The following DPF3 variants were observed in gnomAD, a reference collection of about 807,000 sequenced individuals.
The protein encoded by DPF3 is zinc finger protein DPF3.
A neutral mutation model predicts 56.8 loss-of-function variants in DPF3; 18 were observed. The ratio of observed to expected loss-of-function variants is 0.32; its 90% confidence interval spans 0.22 to 0.47. The LOEUF is 0.47. DPF3 is among the 20% of genes least tolerant of loss of function. DPF3 has a pLI of 1.00. For missense variants in DPF3, 403 were observed against 488.8 expected (o/e 0.82, Z 1.65); for synonymous variants, 188 against 180.2 (o/e 1.04, Z -0.35).
At chr14:72,643,316 C>A (rs1261268923) in intron 8 of DPF3, among the ~76,000 whole-genome samples, 1 of 152,206 alleles carries the variant, frequency 6.6e-6, no homozygotes, top group Non-Finnish European at 1.5e-5. Flanking sequence ...TAAGGGTGAA[C>A]TAGCTGTCCC....
chr14:72,849,831 G>T (rs9671327), intron 1 of DPF3, among the ~76,000 whole-genome samples: 42,943 of 152,024 alleles, frequency 0.28, 6,262 homozygotes, highest in African/African-American at 0.32. Flanking sequence ...AGTTAGCTAG[G>T]TTTAGGCTGG....
At chr14:72,854,630 G>A (rs1322831906) in intron 1 of DPF3, among the ~76,000 whole-genome samples, 2 of 152,164 alleles carry the variant, frequency 1.3e-5, no homozygotes, top group Non-Finnish European at 2.9e-5. Context: ...CATGAATATA[G>A]CTATAGTTGT....
chr14:72,880,569 T>C (rs1886287674), intron 1 of DPF3, among the ~76,000 whole-genome samples: 1 of 152,198 alleles, frequency 6.6e-6, no homozygotes, highest in Admixed American at 6.5e-5. Flanking sequence ...TTGTTTTTTG[T>C]TTTTTCAGAC....
intron 5 of DPF3, among the ~76,000 whole-genome samples, chr14:72,721,942 T>C (rs1289969218): frequency 6.6e-6 from 1 of 151,832 alleles, no homozygotes; most frequent in Non-Finnish European, 1.5e-5. Flanking sequence ...AAAATGTGTG[T>C]GGTGGGGTGC....
At chr14:72,707,095 C>T (rs1023529442) in intron 6 of DPF3, among the ~76,000 whole-genome samples, 6 of 151,812 alleles carry the variant, frequency 4.0e-5, no homozygotes, top group African/African-American at 1.2e-4. Context: ...TTTGTTCTTG[C>T]GATAGTTTAC....
chr14:72,684,196 A>T (rs748320285), intron 7 of DPF3, among the ~76,000 whole-genome samples: 7 of 151,956 alleles, frequency 4.6e-5, no homozygotes, highest in Non-Finnish European at 5.9e-5. Context: ...ATAGGCATGC[A>T]CCACCACACC....
intron 1 of DPF3, among the ~76,000 whole-genome samples, chr14:72,807,035 C>T (rs985008477): frequency 2.0e-5 from 3 of 152,198 alleles, no homozygotes; most frequent in Admixed American, 2.0e-4. Flanking sequence ...GAGAGGGCTG[C>T]CCTACCCCGC....
At chr14:72,829,769 A>T (rs1883974561) in intron 1 of DPF3, among the ~76,000 whole-genome samples, 1 of 151,208 alleles carries the variant, frequency 6.6e-6, no homozygotes, top group Admixed American at 6.6e-5. Context: ...TTTGAGACAG[A>T]GTCTCGCTCT....
intron 8 of DPF3, chr14:72,670,300 C>G: frequency 2.0e-6 from 2 of 985,976 alleles, no homozygotes; most frequent in Non-Finnish European, 2.4e-6. Context: ...ATTTGGAAGT[C>G]GTTCTTTGCC....
intron 8 of DPF3, among the ~76,000 whole-genome samples, chr14:72,638,550 A>G (rs1017305996): frequency 2.6e-5 from 4 of 152,224 alleles, no homozygotes; most frequent in Non-Finnish European, 5.9e-5. Flanking sequence ...GTGATTGGTC[A>G]ACACTTGATT....
At chr14:72,849,158 C>T (rs1884872777) in intron 1 of DPF3, among the ~76,000 whole-genome samples, 1 of 152,220 alleles carries the variant, frequency 6.6e-6, no homozygotes. Flanking sequence ...TGCCACTCTG[C>T]TTCTCTTCCT....
chr14:72,677,958 T>C (rs1306023322), intron 7 of DPF3, among the ~76,000 whole-genome samples: 1 of 137,856 alleles, frequency 7.3e-6, no homozygotes, highest in Non-Finnish European at 1.5e-5. Context: ...TCAGCTTCCC[T>C]TTTGTTCAAC....
At chr14:72,859,480 C>CG (rs1452703381) in intron 1 of DPF3, among the ~76,000 whole-genome samples, 4 of 100,412 alleles carry the variant, frequency 4.0e-5, no homozygotes, top group Non-Finnish European at 8.3e-5. Context: ...CCCCCCCCCC[C>CG]CCCACACCAT....
At chr14:72,805,485 C>A (rs1229545190) in intron 1 of DPF3, among the ~76,000 whole-genome samples, 2 of 149,978 alleles carry the variant, frequency 1.3e-5, no homozygotes, top group Non-Finnish European at 3.0e-5. Flanking sequence ...AAAAAAAAAA[C>A]TGCATGGAAG....
chr14:72,869,909 G>A (rs1885830334), intron 1 of DPF3, among the ~76,000 whole-genome samples: 1 of 152,088 alleles, frequency 6.6e-6, no homozygotes, highest in Non-Finnish European at 1.5e-5. Flanking sequence ...GGGGGGTAGG[G>A]TGAGCAGGAA....
intron 2 of DPF3, among the ~76,000 whole-genome samples, chr14:72,765,176 G>A (rs1891222846): frequency 6.6e-6 from 1 of 152,222 alleles, no homozygotes; most frequent in Non-Finnish European, 1.5e-5. Flanking sequence ...CTAGGGGAAT[G>A]CAAGTTGAAA....
At chr14:72,884,862 C>T (rs931530957) in intron 1 of DPF3, among the ~76,000 whole-genome samples, 39 of 144,418 alleles carry the variant, frequency 2.7e-4, no homozygotes, top group African/African-American at 8.4e-4. Flanking sequence ...TTTGGGAGGC[C>T]GAGGCGGGCG....
intron 7 of DPF3, among the ~76,000 whole-genome samples, chr14:72,689,170 C>T (rs1887564830): frequency 2.0e-5 from 3 of 152,068 alleles, no homozygotes; most frequent in African/African-American, 4.8e-5. Flanking sequence ...GCACCAGGCG[C>T]GGGATGAGCC....
chr14:72,807,595 T>G (rs575661243), intron 1 of DPF3, among the ~76,000 whole-genome samples: 1 of 152,160 alleles, frequency 6.6e-6, no homozygotes, highest in Non-Finnish European at 1.5e-5. Flanking sequence ...ATCCCAGAAC[T>G]TGGGGAGGCC....
Sources: allele counts gnomAD v4.1 joint callset (sites outside exome capture counted in the v4.1 genomes callset), GRCh38; gene constraint gnomAD v4.1.1; transcripts MANE v1.5; gene names NCBI Gene and HGNC (gene_info 2026-07-23, HGNC 2026-07-21).